GRIK3: variants seen among roughly 807,000 people sequenced by gnomAD.
GRIK3 encodes glutamate ionotropic receptor kainate type subunit 3, also known as glutamate receptor ionotropic, kainate 3.
A neutral mutation model predicts 102.5 loss-of-function variants in GRIK3; 29 were observed. That is an observed-to-expected ratio of 0.28 (90% CI 0.21 to 0.39). The LOEUF is 0.39. Among genes scored for constraint, GRIK3 ranks in the 10% least tolerant of loss-of-function variants. GRIK3 has a pLI of 1.00. For missense variants in GRIK3, 908 were observed against 1,252.4 expected (o/e 0.73, Z 4.15); for synonymous variants, 511 against 504.9 (o/e 1.01, Z -0.16).
chr1:37,034,008 T>C lies in GRIK3; in HGVS notation c.101A>G (p.His34Arg). 6.3e-7 allele frequency: 1 copy of C among 1,593,278 alleles called. No individual in the cohort carries two copies. The highest frequency in any genetic ancestry group is 8.6e-7 in the Non-Finnish European group (1 of 1,168,990). ...GGAGCGCTTACCGATCCGGATGACG[T>C]GGGGCATCCCGCGCGAGTCCGGGAT... ...FWIPDSRGMP[H>R]VIRIGGIFEY... Residue 34 changes from histidine (H) to arginine (R), a missense_variant, in exon 1 of 16, where the codon CAC becomes CGC. Around this residue, in one of 3 missense-constraint regions of GRIK3, gnomAD observed 585 missense variants for 824.9 expected, o/e 0.71. Coordinates refer to ENST00000373091, the MANE Select transcript of GRIK3 (RefSeq NM_000831.4).
intron 1 of GRIK3, among the ~76,000 whole-genome samples, chr1:36,897,922 A>T (rs1041389555): frequency 6.6e-6 from 1 of 152,242 alleles, no homozygotes; most frequent in Non-Finnish European, 1.5e-5. Flanking sequence ...ATGGATAAAG[A>T]AAATGTGGTG....
At chr1:36,861,421 GC>G (rs983185366) in intron 5 of GRIK3, among the ~76,000 whole-genome samples, 2 of 152,014 alleles carry the variant, frequency 1.3e-5, no homozygotes, top group African/African-American at 4.8e-5. Context: ...TCTCCCCTGG[GC>G]CCCCCACTTA....
intron 10 of GRIK3, among the ~76,000 whole-genome samples, chr1:36,840,563 A>AT (rs1640434227): frequency 9.9e-6 from 1 of 101,238 alleles, no homozygotes; most frequent in South Asian, 3.1e-4. Flanking sequence ...AAAAAAAAAA[A>AT]AAAAAAAAAA....
At chr1:36,881,086 C>A (rs1640971747) in intron 2 of GRIK3, among the ~76,000 whole-genome samples, 195 bp from the exon 3 acceptor site, 1 of 152,134 alleles carries the variant, frequency 6.6e-6, no homozygotes, top group Non-Finnish European at 1.5e-5. Flanking sequence ...CTTGCAAGAC[C>A]ACATGAAGGT....
chr1:37,003,829 G>T (rs1557459768), intron 1 of GRIK3, among the ~76,000 whole-genome samples: 1 of 152,274 alleles, frequency 6.6e-6, no homozygotes, highest in South Asian at 2.1e-4. Flanking sequence ...CTGCTGGGCT[G>T]AAGGGGCCAT....
intron 15 of GRIK3, 199 bp downstream of exon 15, chr1:36,804,788 T>C: frequency 1.5e-6 from 1 of 652,802 alleles, no homozygotes; most frequent in East Asian, 2.8e-5. Context: ...GGGCTTGGCC[T>C]GGGGTGGGGC....
At chr1:36,912,732 A>T (rs1641359863) in intron 1 of GRIK3, among the ~76,000 whole-genome samples, 1 of 152,064 alleles carries the variant, frequency 6.6e-6, no homozygotes, top group African/African-American at 2.4e-5. Context: ...GGTCATCTAG[A>T]GGGTGAGGAC....
intron 10 of GRIK3, among the ~76,000 whole-genome samples, chr1:36,826,027 T>G (rs1642751853): frequency 6.6e-6 from 1 of 152,170 alleles, no homozygotes; most frequent in Non-Finnish European, 1.5e-5. Flanking sequence ...TGAATTCAAC[T>G]TAACCTCTGC....
At chr1:36,836,351 A>G (rs1316621824) in intron 10 of GRIK3, among the ~76,000 whole-genome samples, 1 of 152,262 alleles carries the variant, frequency 6.6e-6, no homozygotes, top group African/African-American at 2.4e-5. Flanking sequence ...GCCTCTGGGC[A>G]AAGCATGCAA....
At chr1:36,986,471 C>A (rs1355679983) in intron 1 of GRIK3, among the ~76,000 whole-genome samples, 1 of 143,420 alleles carries the variant, frequency 7.0e-6, no homozygotes, top group South Asian at 2.2e-4. Flanking sequence ...TCAGCCCATC[C>A]ATCCATCCAT....
At chr1:36,893,887 TC>T (rs1641145072) in intron 1 of GRIK3, among the ~76,000 whole-genome samples, 1 of 152,196 alleles carries the variant, frequency 6.6e-6, no homozygotes, top group African/African-American at 2.4e-5. Context: ...GCAGTACAAT[TC>T]CCTTTAGAAG....
intron 1 of GRIK3, among the ~76,000 whole-genome samples, chr1:37,012,494 G>A (rs573156614): frequency 1.1e-3 from 163 of 152,332 alleles, no homozygotes; most frequent in African/African-American, 3.8e-3. Context: ...TGCAAACCAC[G>A]AGGCCAGGAA....
intron 1 of GRIK3, among the ~76,000 whole-genome samples, chr1:36,894,742 AC>A (rs1641154042): frequency 6.6e-6 from 1 of 152,010 alleles, no homozygotes; most frequent in African/African-American, 2.4e-5. Context: ...AGAGACAAAA[AC>A]CTCAGGGGAG....
Position 36,855,850 on chromosome 1 carries a change from T to C in GRIK3, c.1105-2128A>G, listed in dbSNP as rs1289171327. ...TCCTTCCCCACATGAGCGCATTCAG[T>C]CCTCACTGTGACCCTGCCAGGTGGG... On this transcript the variant is annotated intron_variant, in intron 7 of 15. Coordinates refer to ENST00000373091, the MANE Select transcript of GRIK3 (RefSeq NM_000831.4). 2.6e-5 allele frequency among the ~76,000 whole-genome samples: 4 copies of C among 152,216 alleles called. No homozygotes were observed. The East Asian group carries it at 7.7e-4, about 29-fold the overall frequency.
At chr1:36,868,734 C>T (rs1640813156) in intron 5 of GRIK3, among the ~76,000 whole-genome samples, 2 of 152,224 alleles carry the variant, frequency 1.3e-5, no homozygotes, top group African/African-American at 4.8e-5. Flanking sequence ...ATACAATGTC[C>T]TTCCTCTTTC....
chr1:36,973,416 CTTTTTTT>C (rs35394730), intron 1 of GRIK3, among the ~76,000 whole-genome samples: 12 of 114,950 alleles, frequency 1.0e-4, no homozygotes, highest in African/African-American at 2.6e-4. Flanking sequence ...CTTCTTTTTC[CTTTTTTT>C]TTTTTTTTTT....
Position 37,002,053 on chromosome 1 carries a change from A to G in GRIK3, c.115+31941T>C, listed in dbSNP as rs182571896. Reference sequence around the variant, plus strand: ...AGAAAAATGCTCTCAGAGAGCAACAAGCATCCAAAGGGGAGTGTACCCAGC... The same window carrying G: ...AGAAAAATGCTCTCAGAGAGCAACAGGCATCCAAAGGGGAGTGTACCCAGC... On this transcript the variant is annotated intron_variant, in intron 1 of 15. Transcript: ENST00000373091. Among the ~76,000 whole-genome samples the G allele has an allele frequency of 1.1e-3, 171 of 152,316 alleles. 2 individuals are homozygous for G. The highest frequency in any genetic ancestry group is 4.0e-3 in the African/African-American group (165 of 41,568).
chr1:36,934,266 C>T (rs1186731402), intron 1 of GRIK3, among the ~76,000 whole-genome samples: 1 of 152,172 alleles, frequency 6.6e-6, no homozygotes, highest in Non-Finnish European at 1.5e-5. Context: ...GGCTGGCATG[C>T]AGCCCAGACA....
intron 3 of GRIK3, among the ~76,000 whole-genome samples, chr1:36,873,183 A>T (rs1004528692): frequency 1.3e-5 from 2 of 151,774 alleles, no homozygotes; most frequent in African/African-American, 4.8e-5. Flanking sequence ...GGTTCCCACC[A>T]CCCCCAGCAC....
Sources: gnomAD v4.1 joint callset for allele counts (sites outside exome capture counted in the v4.1 genomes callset) on GRCh38, gnomAD v4.1.1 for gene constraint, gnomAD v4.1.1 regional missense constraint, MANE v1.5 for transcripts, NCBI Gene and HGNC (gene_info 2026-07-23, HGNC 2026-07-21) for gene names.